Variants in SHANK2 observed in about 807,000 individuals in gnomAD.
SHANK2 encodes the protein SH3 and multiple ankyrin repeat domains protein 2.
In SHANK2, 43 loss-of-function variants were observed where a neutral mutation model predicts 133.7. The ratio of observed to expected loss-of-function variants is 0.32; its 90% confidence interval spans 0.25 to 0.41. The LOEUF (loss-of-function observed/expected upper bound fraction) is 0.41. Among genes scored for constraint, SHANK2 ranks in the 10% least tolerant of loss-of-function variants. The probability of loss-of-function intolerance (pLI) is 1.00; values close to 1 mark genes in which losing one functional copy is unlikely to be tolerated. For synonymous variants in SHANK2, 1,017 were observed against 952.8 expected (o/e 1.07, Z -1.24); for missense variants, 1,994 against 2,235.8 (o/e 0.89, Z 2.18).
chr11:70,553,505 G>A (rs1317071488), intron 17 of SHANK2, among the ~76,000 whole-genome samples: 1 of 152,146 alleles, frequency 6.6e-6, no homozygotes, highest in Non-Finnish European at 1.5e-5. Flanking sequence ...CAGCTGTGAC[G>A]ATCCCCAGCA....
chr11:70,600,143 G>T (rs1490228362), intron 17 of SHANK2, among the ~76,000 whole-genome samples: 1 of 152,098 alleles, frequency 6.6e-6, no homozygotes. Context: ...TATGGAGCAG[G>T]CACGGTGGCT....
intron 17 of SHANK2, among the ~76,000 whole-genome samples, chr11:70,532,612 G>A (rs2059489054): frequency 6.6e-6 from 1 of 151,464 alleles, no homozygotes; most frequent in African/African-American, 2.4e-5. Context: ...AGTGAAGCCA[G>A]CTCCCAATAC....
chr11:70,627,573 C>A (rs1024326427), intron 17 of SHANK2, among the ~76,000 whole-genome samples: 5 of 152,198 alleles, frequency 3.3e-5, no homozygotes, highest in Non-Finnish European at 7.3e-5. Context: ...AACGCTTGGA[C>A]TAGAAGTATT....
chr11:70,915,602 C>T (rs1950258617), intron 10 of SHANK2, among the ~76,000 whole-genome samples: 1 of 152,124 alleles, frequency 6.6e-6, no homozygotes, highest in Admixed American at 6.5e-5. Context: ...CAACTGTGCT[C>T]AAACTCCTGA....
chr11:71,078,236 C>T (rs1401248449), intron 8 of SHANK2, among the ~76,000 whole-genome samples: 4 of 150,884 alleles, frequency 2.7e-5, no homozygotes, highest in African/African-American at 9.7e-5. Context: ...TGAAGGGACA[C>T]CCACTGGCTA....
At chr11:70,671,879 T>G (rs1275937817) in intron 15 of SHANK2, among the ~76,000 whole-genome samples, 1 of 152,100 alleles carries the variant, frequency 6.6e-6, no homozygotes, top group Non-Finnish European at 1.5e-5. Context: ...CCCGAGGAGC[T>G]GTCCTGAAGT....
chr11:70,595,953 A>C (rs1290780429), intron 17 of SHANK2, among the ~76,000 whole-genome samples: 2 of 152,228 alleles, frequency 1.3e-5, no homozygotes, highest in Non-Finnish European at 2.9e-5. Context: ...TTCAGTCGCA[A>C]ACACAGAGGA....
At chr11:70,911,226 T>C (rs1555078960) in intron 10 of SHANK2, 1 of 455,326 alleles carries the variant, frequency 2.2e-6, no homozygotes, top group South Asian at 1.6e-5. Flanking sequence ...GTTGTTCTTT[T>C]TGTTTTGTTT....
intron 2 of SHANK2, among the ~76,000 whole-genome samples, chr11:71,214,593 G>A (rs1394445165): frequency 6.6e-6 from 1 of 152,226 alleles, no homozygotes; most frequent in African/African-American, 2.4e-5. Flanking sequence ...GTGAAGATGG[G>A]TCTGGCTCAG....
At chr11:70,549,985 C>T (rs1554977434) in intron 17 of SHANK2, among the ~76,000 whole-genome samples, 1 of 152,168 alleles carries the variant, frequency 6.6e-6, no homozygotes, top group Admixed American at 6.5e-5. Flanking sequence ...GAGGCCTCCC[C>T]ATGTGCAGGG....
chr11:71,181,885 A>C (rs1406720280), intron 2 of SHANK2, among the ~76,000 whole-genome samples: 1 of 151,926 alleles, frequency 6.6e-6, no homozygotes, highest in Admixed American at 6.6e-5. Context: ...AGTGGGAAGA[A>C]GAATTTGTAT....
At chr11:70,817,455 C>T (rs1226787658) in intron 12 of SHANK2, among the ~76,000 whole-genome samples, 1 of 152,164 alleles carries the variant, frequency 6.6e-6, no homozygotes, top group East Asian at 1.9e-4. Flanking sequence ...GAGCAGTGCC[C>T]CTCGACTTGG....
intron 2 of SHANK2, among the ~76,000 whole-genome samples, chr11:71,154,186 G>T (rs1402641688): frequency 1.3e-5 from 2 of 152,178 alleles, no homozygotes; most frequent in Admixed American, 1.3e-4. Flanking sequence ...AGGCAGTGAG[G>T]ACCCCGAGGC....
intron 6 of SHANK2, among the ~76,000 whole-genome samples, chr11:71,104,368 C>G (rs900089315): frequency 5.9e-5 from 9 of 152,186 alleles, no homozygotes; most frequent in Non-Finnish European, 1.3e-4. Flanking sequence ...AGGGCCCCCC[C>G]CATCCTGCAT....
At chr11:71,077,482 T>C (rs1463847762) in intron 8 of SHANK2, among the ~76,000 whole-genome samples, 2 of 152,150 alleles carry the variant, frequency 1.3e-5, no homozygotes, top group Non-Finnish European at 2.9e-5. Flanking sequence ...AGAGCATGCT[T>C]CCATTTTCCA....
At chr11:70,661,564 A>T in intron 16 of SHANK2, 32 bp downstream of exon 16, 1 of 1,517,620 alleles carries the variant, frequency 6.6e-7, no homozygotes, top group Non-Finnish European at 9.1e-7. Flanking sequence ...CAAACATGGG[A>T]ACATATTCAG....
intron 17 of SHANK2, among the ~76,000 whole-genome samples, chr11:70,526,722 A>G (rs1005324143): frequency 1.3e-5 from 2 of 151,990 alleles, no homozygotes; most frequent in Non-Finnish European, 2.9e-5. Context: ...TCCTTTCGAA[A>G]TTTTATGATT....
chr11:70,502,730 T>TGGGGGGGGGGGGGGGGGGGGGG, intron 18 of SHANK2, 66 bp downstream of exon 18: 4 of 772,454 alleles, frequency 5.2e-6, no homozygotes, highest in East Asian at 5.3e-5. Context: ...CCAGCTGTCC[T>TGGGGGGGGGGGGGGGGGGGGGG]GCCCGCCCCC....
intron 3 of SHANK2, among the ~76,000 whole-genome samples, chr11:71,135,012 A>ACGCCCAC (rs1952410138): frequency 6.6e-6 from 1 of 151,884 alleles, no homozygotes. Flanking sequence ...CTATACCTGG[A>ACGCCCAC]CGCCCACCGC....
Sources: allele counts gnomAD v4.1 joint callset (sites outside exome capture counted in the v4.1 genomes callset), GRCh38; gene constraint gnomAD v4.1.1; transcripts MANE v1.5; gene names NCBI Gene and HGNC (gene_info 2026-07-23, HGNC 2026-07-21).